NBPF20: variants seen among roughly 807,000 people sequenced by gnomAD.
NBPF20 encodes the protein NBPF family member NBPF20.
Under a neutral mutation model 68.1 loss-of-function variants are expected in NBPF20, and 90 were observed. The ratio of observed to expected loss-of-function variants is 1.32; its 90% CI spans 1.11 to 1.58. The LOEUF (loss-of-function observed/expected upper bound fraction) is 1.58. Among genes scored for constraint, NBPF20 ranks in the 40% most tolerant of loss-of-function variants. NBPF20 has a pLI of 0.00. For synonymous variants in NBPF20, 290 were observed against 228.1 expected (o/e 1.27, Z -2.45); for missense variants, 816 against 601.2 (o/e 1.36, Z -3.74).
intron 43 of NBPF20, among the ~76,000 whole-genome samples, chr1:145,366,593 C>A (rs1182982955): frequency 1.0e-5 from 1 of 96,396 alleles, no homozygotes; most frequent in Non-Finnish European, 2.1e-5. Flanking sequence ...CACACACAGA[C>A]ACACACACAC....
chr1:145,291,479 T>C (rs781944978), exon 138 of NBPF20: 12 of 1,612,004 alleles, frequency 7.4e-6, no homozygotes, highest in South Asian at 6.6e-5. Flanking sequence ...CACGTGCCTA[T>C]AGGTCCTGCC....
rs1167795758 is a variant in NBPF20 at position 145,291,464 on chromosome 1, A to C, written c.*62T>G. 33 of 1,611,828 alleles carry C rather than the reference A, an allele frequency of 2.0e-5. No individual in the cohort carries two copies. In the Admixed American group the frequency reaches 3.7e-4, roughly 18 times the overall value. ...CAAATGGAACTGTACTTTCATTCAA[A>C]TCTTCACGTGCCTATAGGTCCTGCC... On this transcript the variant is annotated 3_prime_UTR_variant, in exon 138 of 138. Transcript: ENST00000369373.
chr1:145,405,284 T>C, exon 2 of NBPF20: 1 of 1,605,798 alleles, frequency 6.2e-7, no homozygotes, highest in East Asian at 2.2e-5. Context: ...CTGACGTTTG[T>C]GGCAGAAGAG....
intron 9 of NBPF20, 200 bp downstream of exon 14, chr1:145,393,684 T>C (rs1301972301): frequency 3.5e-6 from 5 of 1,410,808 alleles, no homozygotes; most frequent in Non-Finnish European, 4.8e-6. Flanking sequence ...CAACTTTCAC[T>C]AGGTTAGTAA....
At chr1:145,290,322 C>A (rs1413094043) in exon 138 of NBPF20, 1 of 149,194 alleles carries the variant, frequency 6.7e-6, no homozygotes, top group East Asian at 1.9e-4. Context: ...TCCTAGACCC[C>A]TCCTTAACCA....
chr1:145,424,143 C>T, the NBPF20 span, among the ~76,000 whole-genome samples: 1 of 147,674 alleles, frequency 6.8e-6, no homozygotes, highest in Admixed American at 6.8e-5. Context: ...ACACAGCTAA[C>T]TTTTGTAATT....
chr1:145,411,248 T>C, the NBPF20 span, among the ~76,000 whole-genome samples: 2 of 149,312 alleles, frequency 1.3e-5, no homozygotes, highest in East Asian at 2.0e-4. Context: ...AGAACTGACT[T>C]TTTAAACATA....
chr1:145,424,545 GAAC>G, the NBPF20 span, among the ~76,000 whole-genome samples: 5 of 152,208 alleles, frequency 3.3e-5, no homozygotes, highest in African/African-American at 4.8e-5. Flanking sequence ...AAGAAAGGAT[GAAC>G]AACACTGTAA....
chr1:145,412,273 T>C, the NBPF20 span, among the ~76,000 whole-genome samples: 2 of 152,016 alleles, frequency 1.3e-5, no homozygotes, highest in African/African-American at 2.4e-5. Flanking sequence ...TTTGGAAGCA[T>C]GTATCCTAAG....
chr1:145,366,631 G>C (rs1419062715), intron 43 of NBPF20, among the ~76,000 whole-genome samples: 2 of 70,316 alleles, frequency 2.8e-5, no homozygotes, highest in African/African-American at 6.9e-5. Flanking sequence ...TCAGTGAATT[G>C]TCCAGGTGAC....
exon 1 of NBPF20, chr1:145,405,417 A>G (rs1662733575): frequency 6.4e-7 from 1 of 1,571,744 alleles, no homozygotes; most frequent in African/African-American, 1.4e-5. Flanking sequence ...TACTGTTGTG[A>G]AAAATGTGAT....
At chr1:145,340,662 G>A in intron 76 of NBPF20, 105 bp downstream of exon 81, 1 of 52,592 alleles carries the variant, frequency 1.9e-5, no homozygotes, top group Non-Finnish European at 3.8e-5. Flanking sequence ...GGACCTCCCT[G>A]TGGCAATGAC....
At chr1:145,291,698 G>C (rs371651002) in exon 138 of NBPF20, 5 of 1,611,798 alleles carry the variant, frequency 3.1e-6, no homozygotes, top group Admixed American at 1.7e-5. Flanking sequence ...CATTGACGGA[G>C]TAGAATAACA....
At position 145,395,062 on chromosome 1, in the gene NBPF20, C is replaced by A. The variant is rs1479865910; in HGVS notation, c.907G>T (p.Glu303Ter). The change falls in exon 8 of 138, where the codon GAA becomes TAA. Residue 303 changes from glutamate to a stop codon, truncating the protein, a stop_gained. Transcript: ENST00000369373. LOFTEE classifies it high-confidence loss of function. ...TAAGACTGGTACGAGGCCAACATTT[C>A]AGGAGGAATTGAGAGAGTCGAATAA... The A allele has an allele frequency of 1.2e-6, 2 of 1,611,148 alleles. No individual in the cohort carries two copies. The highest frequency in any genetic ancestry group is 1.7e-5 in the Admixed American group (1 of 59,948).
the NBPF20 span, among the ~76,000 whole-genome samples, chr1:145,414,695 G>GA: frequency 7.3e-5 from 8 of 109,574 alleles, no homozygotes; most frequent in African/African-American, 2.6e-4. Context: ...CCCTCTAAGA[G>GA]AAAAAAATCA....
Position 145,291,931 on chromosome 1 carries a change from C to G in NBPF20, c.16698-162G>C, listed in dbSNP as rs143057139. On this transcript the variant is annotated intron_variant, in intron 137 of 137. Transcript: ENST00000369373. Reference sequence around the variant, plus strand: ...TTATTGCCTATATGTTGGGATAGAACAGGGCCAGGTAGAAAACAATGAAAG... The same window carrying G: ...TTATTGCCTATATGTTGGGATAGAAGAGGGCCAGGTAGAAAACAATGAAAG... Among the ~76,000 whole-genome samples the G allele has an allele frequency of 4.0e-3, 602 of 151,200 alleles. 2 individuals are homozygous for G. Among genetic ancestry groups the G allele is most frequent in the Non-Finnish European group, 6.6e-3 (448 of 67,912 alleles).
the NBPF20 span, among the ~76,000 whole-genome samples, chr1:145,423,226 C>A: frequency 2.0e-5 from 3 of 150,006 alleles, no homozygotes; most frequent in East Asian, 2.0e-4. Context: ...CTCACCTGAG[C>A]CTAGGAATTC....
intron 136 of NBPF20, among the ~76,000 whole-genome samples, chr1:145,292,700 A>G (rs1320154890): frequency 6.9e-6 from 1 of 144,608 alleles, no homozygotes; most frequent in Admixed American, 6.9e-5. Context: ...TCCCTATTCT[A>G]GTAGATCGTT....
the NBPF20 span, among the ~76,000 whole-genome samples, chr1:145,410,804 GTATATATATACGTATA>G: frequency 1.4e-5 from 1 of 72,992 alleles, no homozygotes; most frequent in South Asian, 4.4e-4. Context: ...ATACGTATAT[GTATATATATACGTATA>G]TATATATATA....
Sources: allele counts gnomAD v4.1 joint callset (sites outside exome capture counted in the v4.1 genomes callset), GRCh38; gene constraint gnomAD v4.1.1; transcripts MANE v1.5; gene names NCBI Gene and HGNC (gene_info 2026-07-23, HGNC 2026-07-21).